Variants in SETD2 observed in about 807,000 individuals in gnomAD.
SETD2 encodes SET domain containing 2, histone lysine methyltransferase.
SETD2 carries 31 observed loss-of-function variants against 242.1 expected under a neutral mutation model. The ratio of observed to expected loss-of-function variants is 0.13; its 90% CI spans 0.10 to 0.17. The LOEUF (loss-of-function observed/expected upper bound fraction) is 0.17. Among genes scored for constraint, SETD2 ranks in the 10% least tolerant of loss-of-function variants. The pLI is 1.00. For missense variants in SETD2, 2,481 were observed against 3,046.3 expected, an observed-to-expected ratio of 0.81 and a Z score of 4.37; for synonymous variants, 1,006 against 1,066.5, an observed-to-expected ratio of 0.94 and a Z score of 1.11.
chr3:47,017,187 T>G lies in SETD2; in HGVS notation c.7601A>C (p.Glu2534Ala), dbSNP rs1449450654. ...CTCCTTGGTTTTGTGTTTCACATTC[T>G]CATTGCACTCCAGGTCCTCAGGATT... is the stretch of plus-strand genomic sequence containing the variant. Reference protein sequence around the residue: ...CKNPEDLECNENVKHKTKEYI... With the variant: ...CKNPEDLECNANVKHKTKEYI... Residue 2534 changes from glutamate (E) to alanine (A), a missense_variant, in exon 21 of 21, where the codon GAG (glutamate) becomes GCG (alanine). By Grantham distance (107) the Glu-to-Ala change is moderately radical. Coordinates refer to ENST00000409792, the MANE Select transcript of SETD2 (RefSeq NM_014159.7). This position sits in a 1 kb window ranked among gnomAD's most constrained non-coding sequence, Gnocchi z 4.8. 1.2e-6 allele frequency: 2 copies of G among 1,614,064 alleles called. No individual in the cohort carries two copies. Among genetic ancestry groups the G allele is most frequent in the Non-Finnish European group, 1.7e-6 (2 of 1,180,032 alleles).
chr3:47,119,772 T>C (rs745824539), intron 3 of SETD2: 2 of 470,308 alleles, frequency 4.3e-6, no homozygotes, highest in Admixed American at 2.4e-5. Flanking sequence ...TACCCAAAGA[T>C]ACTTCATTCT....
At chr3:47,056,012 C>CAAAA (rs1167181294) in intron 15 of SETD2, among the ~76,000 whole-genome samples, 417 of 39,570 alleles carry the variant, frequency 0.011, 71 homozygotes, top group Non-Finnish European at 0.013. Context: ...GACTCCGTCT[C>CAAAA]AAAAAAAAAA....
At chr3:47,068,367 T>C (rs193278400) in intron 12 of SETD2, among the ~76,000 whole-genome samples, 220 of 152,252 alleles carry the variant, frequency 1.4e-3, no homozygotes, top group African/African-American at 4.9e-3. Flanking sequence ...GAAATCTATA[T>C]AAATGAAAAA....
intron 18 of SETD2, among the ~76,000 whole-genome samples, chr3:47,031,584 T>C (rs2038772351): frequency 6.6e-6 from 1 of 152,168 alleles, no homozygotes; most frequent in Non-Finnish European, 1.5e-5. Context: ...GAAATTCAAA[T>C]CTACATGAGA....
chr3:47,046,324 G>A (rs559511836), intron 16 of SETD2, among the ~76,000 whole-genome samples, 163 bp downstream of exon 16: 19 of 146,612 alleles, frequency 1.3e-4, no homozygotes, highest in African/African-American at 3.3e-4. Context: ...GTGACAGAGC[G>A]AGACTCTGTC....
chr3:47,096,032 A>G (rs1159526377), intron 9 of SETD2, among the ~76,000 whole-genome samples: 1 of 152,180 alleles, frequency 6.6e-6, no homozygotes, highest in African/African-American at 2.4e-5. Flanking sequence ...CTGGGATTAT[A>G]AGCAAGAGCC....
chr3:47,157,550 T>C lies in SETD2; in HGVS notation c.71+6304A>G, dbSNP rs1414529321. On this transcript the variant is annotated intron_variant, in intron 1 of 20. Transcript: ENST00000409792. ...GGCGCCTCATAAGTACCGTTCTTTC[T>C]AGCTGACTTGTTCCATTCAATACTA... 5 of 455,922 alleles carry C rather than the reference T, an allele frequency of 1.1e-5. No homozygotes were observed. In the East Asian group the frequency reaches 2.1e-4, roughly 19 times the overall value. The allele number at this position is 455,922 out of a possible 1,614,324, so 28.2% of individuals were successfully genotyped here. A position where few individuals can be genotyped will look rare whatever the true frequency, so the allele number is the denominator to read the frequency against.
At chr3:47,135,869 A>G (rs1288304551) in intron 1 of SETD2, among the ~76,000 whole-genome samples, 1 of 151,674 alleles carries the variant, frequency 6.6e-6, no homozygotes, top group Admixed American at 6.6e-5. Context: ...TTTCCTCTCT[A>G]TTCATTCTCA....
At chr3:47,155,315 AT>A (rs1404612717) in intron 1 of SETD2, among the ~76,000 whole-genome samples, 4 of 152,206 alleles carry the variant, frequency 2.6e-5, no homozygotes, top group Non-Finnish European at 5.9e-5. Context: ...ACTATCAGAT[AT>A]TTAGGAAAGA....
At chr3:47,125,427 G>GT (rs2043292700) in intron 2 of SETD2, among the ~76,000 whole-genome samples, 1 of 151,990 alleles carries the variant, frequency 6.6e-6, no homozygotes. Context: ...ATGAGGAAAG[G>GT]GTTTGTTTTT....
At chr3:47,117,173 AT>A (rs1448001732) in intron 3 of SETD2, among the ~76,000 whole-genome samples, 1 of 150,900 alleles carries the variant, frequency 6.6e-6, no homozygotes, top group African/African-American at 2.5e-5. Flanking sequence ...CTAGATTCAC[AT>A]TTAATGATTC....
intron 12 of SETD2, among the ~76,000 whole-genome samples, chr3:47,068,489 C>G (rs1559685317): frequency 7.0e-6 from 1 of 142,336 alleles, no homozygotes; most frequent in South Asian, 2.2e-4. Flanking sequence ...TTCAAATACA[C>G]TATCTTTTTT....
chr3:47,094,197 T>C (rs1252570959), intron 9 of SETD2, among the ~76,000 whole-genome samples: 1 of 152,204 alleles, frequency 6.6e-6, no homozygotes, highest in Non-Finnish European at 1.5e-5. Flanking sequence ...GTTCGTACCA[T>C]AAACTACAAA....
At chr3:47,025,090 C>G (rs1222710306) in intron 18 of SETD2, among the ~76,000 whole-genome samples, 1 of 152,204 alleles carries the variant, frequency 6.6e-6, no homozygotes, top group Non-Finnish European at 1.5e-5. Flanking sequence ...CACCAATTTA[C>G]TGATGACTCA....
Position 47,164,091 on chromosome 3 carries a change from CGGACGCCCGCCA to C in SETD2, c.-179_-168del. Reference sequence around the variant, plus strand: ...CTCGCTCGTCGCTCCCTCCCTCCCTCGGACGCCCGCCAGCCGCTCTCTCCCTCTCACCCTCAC... The same window carrying C: ...CTCGCTCGTCGCTCCCTCCCTCCCTCGCCGCTCTCTCCCTCTCACCCTCAC... On this transcript the variant is annotated 5_prime_UTR_variant, in exon 1 of 21. Coordinates refer to ENST00000409792, the MANE Select transcript of SETD2 (RefSeq NM_014159.7). The surrounding 1 kb of genome is among the most constrained non-coding windows in gnomAD (Gnocchi z 5.4). 8.7e-7 allele frequency: 1 copy of C among 1,142,916 alleles called. No homozygotes were observed. The highest frequency in any genetic ancestry group is 1.1e-6 in the Non-Finnish European group (1 of 914,060). The allele number at this position is 1,142,916 out of a possible 1,614,324, so 70.8% of individuals were successfully genotyped here. A position where few individuals can be genotyped will look rare whatever the true frequency, so the allele number is the denominator to read the frequency against.
At chr3:47,069,589 C>G (rs1371913406) in intron 12 of SETD2, among the ~76,000 whole-genome samples, 1 of 152,222 alleles carries the variant, frequency 6.6e-6, no homozygotes, top group Non-Finnish European at 1.5e-5. Context: ...CACCCCTCCC[C>G]ACAAGAGAGA....
chr3:47,039,546 T>C (rs188137961), intron 17 of SETD2, among the ~76,000 whole-genome samples: 10 of 151,644 alleles, frequency 6.6e-5, no homozygotes, highest in African/African-American at 2.2e-4. Context: ...ATTGATAGAA[T>C]ATTTAAAATT....
Position 47,164,104 on chromosome 3 carries a change from G to A in SETD2, c.-180C>T, listed in dbSNP as rs1343999536. On this transcript the variant is annotated 5_prime_UTR_variant, in exon 1 of 21. Transcript: ENST00000409792. This position sits in a 1 kb window ranked among gnomAD's most constrained non-coding sequence, Gnocchi z 5.4. ...CCCTCCCTCCCTCGGACGCCCGCCA[G>A]CCGCTCTCTCCCTCTCACCCTCACA... 9.1e-7 allele frequency: 1 copy of A among 1,093,872 alleles called. No individual in the cohort carries two copies. The highest frequency in any genetic ancestry group is 1.1e-6 in the Non-Finnish European group (1 of 870,150). The allele number at this position is 1,093,872 out of a possible 1,614,324, so 67.8% of individuals were successfully genotyped here.
chr3:47,106,826 A>G (rs2042446946), intron 5 of SETD2, among the ~76,000 whole-genome samples: 1 of 150,918 alleles, frequency 6.6e-6, no homozygotes, highest in Non-Finnish European at 1.5e-5. Flanking sequence ...AAAAAAAAAA[A>G]GGAAAAAGAA....
Sources: gnomAD v4.1 joint callset for allele counts (sites outside exome capture counted in the v4.1 genomes callset) on GRCh38, gnomAD v4.1.1 for gene constraint, Gnocchi (gnomAD v3.1) non-coding constraint, MANE v1.5 for transcripts, NCBI Gene and HGNC (gene_info 2026-07-23, HGNC 2026-07-21) for gene names.